The following SIPA1L1 variants were observed in gnomAD, a reference collection of about 807,000 sequenced individuals.
SIPA1L1 encodes signal induced proliferation associated 1 like 1.
SIPA1L1 carries 26 observed loss-of-function variants against 162.7 expected under a neutral mutation model. The ratio of observed to expected loss-of-function variants is 0.16; its 90% CI spans 0.12 to 0.22. SIPA1L1 has a LOEUF of 0.22. Ranked by LOEUF, SIPA1L1 falls within the 10% of genes least tolerant of loss-of-function variation. SIPA1L1 has a pLI of 1.00. For synonymous variants in SIPA1L1, 829 were observed against 837.4 expected, an observed-to-expected ratio of 0.99 and a Z score of 0.17; for missense variants, 1,874 against 2,241.0, an observed-to-expected ratio of 0.84 and a Z score of 3.31.
intron 2 of SIPA1L1, among the ~76,000 whole-genome samples, chr14:71,340,263 A>G (rs536345101): frequency 6.6e-6 from 1 of 151,380 alleles, no homozygotes; most frequent in Non-Finnish European, 1.5e-5. Context: ...TCGTATCTTT[A>G]ACAATGATCT....
chr14:71,482,778 A>G (rs564837684), intron 2 of SIPA1L1, among the ~76,000 whole-genome samples: 2 of 152,288 alleles, frequency 1.3e-5, no homozygotes, highest in South Asian at 4.2e-4. Context: ...TCTCCCTCTC[A>G]CCCAAATTGA....
intron 2 of SIPA1L1, among the ~76,000 whole-genome samples, chr14:71,419,546 G>A (rs953412085): frequency 3.4e-4 from 49 of 142,832 alleles, no homozygotes; most frequent in African/African-American, 1.2e-3. Flanking sequence ...GCCGGACTGC[G>A]GACTGCAGTG....
chr14:71,389,333 T>C (rs551205281), intron 2 of SIPA1L1, among the ~76,000 whole-genome samples: 62 of 152,318 alleles, frequency 4.1e-4, no homozygotes, highest in African/African-American at 1.5e-3. Context: ...CAGTGGGTAA[T>C]AGATTTAACT....
chr14:71,642,287 A>T (rs748490646), intron 7 of SIPA1L1, among the ~76,000 whole-genome samples: 2 of 152,166 alleles, frequency 1.3e-5, no homozygotes, highest in African/African-American at 2.4e-5. Context: ...TACCCAGTTA[A>T]AGGCCAGAAG....
chr14:71,456,375 C>A (rs571816992), intron 2 of SIPA1L1, among the ~76,000 whole-genome samples: 2 of 152,306 alleles, frequency 1.3e-5, no homozygotes, highest in South Asian at 4.1e-4. Context: ...TATTCAACAT[C>A]TTATATTAAA....
At chr14:71,496,376 A>G (rs563097413) in intron 2 of SIPA1L1, among the ~76,000 whole-genome samples, 1 of 151,816 alleles carries the variant, frequency 6.6e-6, no homozygotes, top group South Asian at 2.1e-4. Context: ...TTTTTCTTTG[A>G]CCCATGGGTT....
rs1162018400 is a variant in SIPA1L1, at chr14:71,738,228, T to C, written c.5124-13T>C. On this transcript the variant is annotated splice_polypyrimidine_tract_variant and intron_variant, in intron 22 of 23. Coordinates refer to ENST00000381232, the MANE Select transcript of SIPA1L1 (RefSeq NM_001386936.1). ...GGCCCCTGCCAACATGGTCTTTTGT[T>C]TCTTGTTCCCAGCAGTAAAGACTCC... The C allele has an allele frequency of 5.7e-6, 9 of 1,590,848 alleles. No individual in the cohort carries two copies. The highest frequency in any genetic ancestry group is 7.7e-6 in the Non-Finnish European group (9 of 1,162,456).
rs138692524 is a variant in SIPA1L1, at chr14:71,543,093, TC to T, written c.-303+13725del. 2.2e-3 allele frequency among the ~76,000 whole-genome samples: 328 copies of T among 152,242 alleles called. 1 individual carries two copies. The highest frequency in any genetic ancestry group is 7.5e-3 in the African/African-American group (312 of 41,542). ...TGTCTGTAAATCTTCTCTGGCTCTT[TC>T]CTGTCCTCTCCAGCACCCACTGCCC... On this transcript the variant is annotated intron_variant, in intron 4 of 23. Transcript: ENST00000381232.
chr14:71,462,263 C>A (rs1412817302), intron 2 of SIPA1L1, among the ~76,000 whole-genome samples: 3 of 152,176 alleles, frequency 2.0e-5, no homozygotes, highest in Admixed American at 1.3e-4. Flanking sequence ...ATCCTAGAGG[C>A]CTCCTCTGTG....
rs551473314 is a variant in SIPA1L1, at chr14:71,376,105, T to C, written c.-465+54924T>C. 2.0e-4 allele frequency among the ~76,000 whole-genome samples: 31 copies of C among 152,304 alleles called. 1 individual carries two copies. The South Asian group carries it at 6.4e-3, about 32-fold the overall frequency. On this transcript the variant is annotated intron_variant, in intron 2 of 23. Transcript: ENST00000381232. ...GTTTTCTGAAAAAGTGTATGTAGAA[T>C]TGGTTTAATCTTTTTCTTGAATGTT...
At chr14:71,736,481 C>G (rs1310722528) in intron 22 of SIPA1L1, among the ~76,000 whole-genome samples, 1 of 152,114 alleles carries the variant, frequency 6.6e-6, no homozygotes, top group African/African-American at 2.4e-5. Flanking sequence ...AACAGGAAAG[C>G]CAATTGAAGT....
chr14:71,597,308 T>G (rs962206194), intron 5 of SIPA1L1, among the ~76,000 whole-genome samples: 14 of 152,176 alleles, frequency 9.2e-5, no homozygotes, highest in African/African-American at 3.4e-4. Flanking sequence ...AATCGTTTTT[T>G]CTTATATAAC....
rs760107430 is a variant in SIPA1L1, at chr14:71,735,318, C to A, written c.5050C>A (p.Arg1684Ser). 3 of 1,614,162 alleles carry A rather than the reference C, an allele frequency of 1.9e-6. No homozygotes were observed. The South Asian group carries it at 3.3e-5, about 18-fold the overall frequency. Reference sequence around the variant, plus strand: ...TTTTGCTGCTAGTGATGAAAACCATCGCCCCTTGAGTGCTGCATCCAACAG... The same window carrying A: ...TTTTGCTGCTAGTGATGAAAACCATAGCCCCTTGAGTGCTGCATCCAACAG... ...SFFAASDENHRPLSAASNSDQ... is the reference protein window; with the variant it reads ...SFFAASDENHSPLSAASNSDQ... The change falls in exon 22 of 24, where the codon CGC becomes AGC. Residue 1684 changes from arginine (R) to serine (S), a missense_variant. Arg to Ser is a moderately radical substitution (Grantham distance 110). Coordinates refer to ENST00000381232, the MANE Select transcript of SIPA1L1 (RefSeq NM_001386936.1).
intron 2 of SIPA1L1, chr14:71,398,460 C>T (rs1173532354): frequency 6.6e-6 from 1 of 152,220 alleles, no homozygotes; most frequent in Non-Finnish European, 1.5e-5. Context: ...CTCACTTAAA[C>T]TACCTGATAG....
rs565311823 is a variant in SIPA1L1 at position 71,674,080 on chromosome 14, A to G, written c.3104+1458A>G. ...TATTGCTTCTGAACAGACAATTATA[A>G]ATGGGAGAAGATAGCCAAGCTTTGT... On this transcript the variant is annotated intron_variant, in intron 12 of 23. Coordinates refer to ENST00000381232, the MANE Select transcript of SIPA1L1 (RefSeq NM_001386936.1). Among the ~76,000 whole-genome samples, 3 of 152,328 alleles carry G rather than the reference A, an allele frequency of 2.0e-5. No individual in the cohort carries two copies. The South Asian group carries it at 6.2e-4, about 32-fold the overall frequency.
chr14:71,585,365 A>G lies in SIPA1L1; in HGVS notation c.-302-2206A>G, dbSNP rs113265046. Among the ~76,000 whole-genome samples, 458 of 152,288 alleles carry G rather than the reference A, an allele frequency of 3.0e-3. 5 individuals are homozygous for G. The highest frequency in any genetic ancestry group is 7.4e-3 in the South Asian group (36 of 4,834). The stretch of plus-strand genomic sequence containing the variant: ...ACATTGAGTCGTTGTTATATAATGT[A>G]ATGGGAGTCTTGAAATTTCTTTTGA... On this transcript the variant is annotated intron_variant, in intron 4 of 23. Transcript: ENST00000381232.
chr14:71,611,529 A>G (rs2038214681), intron 5 of SIPA1L1, among the ~76,000 whole-genome samples: 1 of 152,052 alleles, frequency 6.6e-6, no homozygotes, highest in Admixed American at 6.6e-5. Flanking sequence ...CCCCATATGC[A>G]TTAGATATTT....
At chr14:71,531,396 G>C (rs888616026) in intron 4 of SIPA1L1, among the ~76,000 whole-genome samples, 1 of 151,632 alleles carries the variant, frequency 6.6e-6, no homozygotes, top group Non-Finnish European at 1.5e-5. Flanking sequence ...AGAACTGGCT[G>C]TCAGGTTGCA....
chr14:71,452,473 G>A (rs534791985), intron 2 of SIPA1L1, among the ~76,000 whole-genome samples: 213 of 152,126 alleles, frequency 1.4e-3, no homozygotes, highest in Middle Eastern at 3.4e-3. Context: ...TATTAATACT[G>A]TTATAGTATT....
Sources: gnomAD v4.1 joint callset for allele counts (sites outside exome capture counted in the v4.1 genomes callset) on GRCh38, gnomAD v4.1.1 for gene constraint, MANE v1.5 for transcripts, NCBI Gene and HGNC (gene_info 2026-07-23, HGNC 2026-07-21) for gene names.